PAX7: variants seen among roughly 807,000 people sequenced by gnomAD.
PAX7 encodes paired box protein Pax-7.
PAX7 carries 18 observed loss-of-function variants against 50.7 expected under a neutral mutation model. That is an observed-to-expected ratio of 0.36 (90% CI 0.25 to 0.53). The LOEUF is 0.53. Ranked by LOEUF, PAX7 falls within the 20% of genes least tolerant of loss-of-function variation. The probability of loss-of-function intolerance (pLI) is 0.93; values close to 1 mark genes in which losing one functional copy is unlikely to be tolerated. For synonymous variants in PAX7, 310 were observed against 290.4 expected (o/e 1.07, Z -0.69); for missense variants, 644 against 702.9 (o/e 0.92, Z 0.95).
rs150090514 is a variant in PAX7 at position 18,747,059 on chromosome 1, C to T, written c.*2130C>T. 8.7e-5 allele frequency: 20 copies of T among 229,976 alleles called. No homozygotes were observed. Among genetic ancestry groups the T allele is most frequent in the Non-Finnish European group, 1.6e-4 (18 of 115,956 alleles). The allele number at this position is 229,976 out of a possible 1,614,324, so 14.2% of individuals were successfully genotyped here. On this transcript the variant is annotated 3_prime_UTR_variant, in exon 9 of 9. Coordinates refer to ENST00000420770, the MANE Select transcript of PAX7 (RefSeq NM_001135254.2). Reference sequence around the variant, plus strand: ...GGTAACCCAGTCCCTGCTTTTGTAGCTATCACAGCAGAAAGCAACTCTTCC... The same window carrying T: ...GGTAACCCAGTCCCTGCTTTTGTAGTTATCACAGCAGAAAGCAACTCTTCC...
At chr1:18,692,823 G>A (rs1367606333) in intron 5 of PAX7, among the ~76,000 whole-genome samples, 14 of 152,158 alleles carry the variant, frequency 9.2e-5, no homozygotes, top group African/African-American at 3.4e-4. Flanking sequence ...CTCAATATAT[G>A]GGAAGGAAGA....
intron 7 of PAX7, among the ~76,000 whole-genome samples, chr1:18,733,630 A>G (rs918450615): frequency 6.6e-6 from 1 of 152,170 alleles, no homozygotes; most frequent in African/African-American, 2.4e-5. Context: ...CATGGGGGAA[A>G]GAACCAGGCA....
intron 4 of PAX7, among the ~76,000 whole-genome samples, chr1:18,667,489 T>C (rs1358899814): frequency 6.6e-6 from 1 of 151,664 alleles, no homozygotes; most frequent in Admixed American, 6.6e-5. Flanking sequence ...AGCAGCCCGG[T>C]AAAAGCGGAT....
intron 4 of PAX7, among the ~76,000 whole-genome samples, chr1:18,672,095 C>G (rs2088758613): frequency 6.6e-6 from 1 of 152,166 alleles, no homozygotes. Flanking sequence ...ATACAGGGCA[C>G]TCTGTGAGTG....
chr1:18,696,142 T>C (rs2089147365), intron 5 of PAX7, among the ~76,000 whole-genome samples: 1 of 150,158 alleles, frequency 6.7e-6, no homozygotes, highest in Non-Finnish European at 1.5e-5. Context: ...CTCAGCTCAC[T>C]GCAACCTCCG....
intron 4 of PAX7, among the ~76,000 whole-genome samples, chr1:18,672,666 C>T (rs1323730176): frequency 1.4e-5 from 2 of 144,384 alleles, no homozygotes; most frequent in Admixed American, 1.5e-4. Context: ...AGTGCAATGG[C>T]GAGATCTGGG....
chr1:18,669,287 G>A (rs1315920206), intron 4 of PAX7, among the ~76,000 whole-genome samples: 1 of 152,208 alleles, frequency 6.6e-6, no homozygotes, highest in East Asian at 1.9e-4. Flanking sequence ...GTTCCACATA[G>A]CAGGGGAGTA....
In PAX7 at chr1:18,688,107, T is replaced by G. The variant is rs142924242; in HGVS notation, c.587-3647T>G. 7.9e-5 allele frequency among the ~76,000 whole-genome samples: 12 copies of G among 152,330 alleles called. No homozygotes were observed. The East Asian group carries it at 1.9e-3, about 24-fold the overall frequency. ...CTGCAGTCATGATTTTGGTCACAAC[T>G]CTATATCTTGTCCTATTATTTCCTT... On this transcript the variant is annotated intron_variant, in intron 4 of 8. Coordinates refer to ENST00000420770, the MANE Select transcript of PAX7 (RefSeq NM_001135254.2).
rs2089697747 is a variant in PAX7 at position 18,735,442 on chromosome 1, C to T, written c.1156-190C>T. On this transcript the variant is annotated intron_variant, in intron 7 of 8. Coordinates refer to ENST00000420770, the MANE Select transcript of PAX7 (RefSeq NM_001135254.2). This position sits in a 1 kb window ranked among gnomAD's most constrained non-coding sequence, Gnocchi z 4.0. ...CAGGACCCTCCTTCAAGAGAAACAC[C>T]GAAGACCAGCAGCCATCCCATGCAT... Among the ~76,000 whole-genome samples, 1 of 152,130 alleles carries T rather than the reference C, an allele frequency of 6.6e-6. No homozygotes were observed. The highest frequency in any genetic ancestry group is 6.5e-5 in the Admixed American group (1 of 15,284).
intron 5 of PAX7, among the ~76,000 whole-genome samples, chr1:18,699,710 A>G (rs1476072292): frequency 5.9e-5 from 9 of 151,928 alleles, no homozygotes; most frequent in Non-Finnish European, 1.0e-4. Context: ...ACAGGCGCCC[A>G]CCACCATGCC....
At chr1:18,668,982 TGAG>T (rs1316585054) in intron 4 of PAX7, among the ~76,000 whole-genome samples, 1 of 152,208 alleles carries the variant, frequency 6.6e-6, no homozygotes, top group Admixed American at 6.5e-5. Context: ...TGGCTATAGA[TGAG>T]TTCTTCCCAG....
intron 1 of PAX7, among the ~76,000 whole-genome samples, chr1:18,633,526 G>A (rs1451531953): frequency 6.6e-6 from 1 of 152,204 alleles, no homozygotes; most frequent in African/African-American, 2.4e-5. Flanking sequence ...TCATGGATTT[G>A]TGAGGCCAAG....
intron 7 of PAX7, among the ~76,000 whole-genome samples, chr1:18,721,142 C>T (rs923468370): frequency 6.6e-6 from 1 of 152,120 alleles, no homozygotes; most frequent in African/African-American, 2.4e-5. Flanking sequence ...GTGTCTGTGG[C>T]GAGGACCTTT....
intron 4 of PAX7, among the ~76,000 whole-genome samples, chr1:18,644,637 A>G (rs1470397797): frequency 6.6e-6 from 1 of 151,978 alleles, no homozygotes; most frequent in Non-Finnish European, 1.5e-5. Flanking sequence ...GGAGCTTCTG[A>G]TTCCAGCATC....
intron 4 of PAX7, among the ~76,000 whole-genome samples, chr1:18,666,908 A>G (rs1235809119): frequency 6.6e-6 from 1 of 152,172 alleles, no homozygotes; most frequent in South Asian, 2.1e-4. Context: ...CTGGGGAAAA[A>G]TTCAGACTGC....
At chr1:18,716,217 G>A (rs537133880) in intron 7 of PAX7, among the ~76,000 whole-genome samples, 1 of 152,338 alleles carries the variant, frequency 6.6e-6, no homozygotes, top group African/African-American at 2.4e-5. Context: ...CCTGGGTCGG[G>A]TCCCCCAGGA....
chr1:18,683,147 C>T (rs935731384), intron 4 of PAX7, among the ~76,000 whole-genome samples: 1 of 152,142 alleles, frequency 6.6e-6, no homozygotes, highest in Admixed American at 6.5e-5. Context: ...TCCCCTGCAC[C>T]CCCAGAGTAG....
chr1:18,683,827 G>A (rs9439722), intron 4 of PAX7, among the ~76,000 whole-genome samples: 15,824 of 152,174 alleles, frequency 0.1, 1,536 homozygotes, highest in African/African-American at 0.25. Flanking sequence ...GCAACACAGG[G>A]AGACTGTCTC....
At chr1:18,719,658 T>C (rs2089469959) in intron 7 of PAX7, among the ~76,000 whole-genome samples, 1 of 152,204 alleles carries the variant, frequency 6.6e-6, no homozygotes, top group Non-Finnish European at 1.5e-5. Flanking sequence ...GGCAAGGGGC[T>C]CCCTTCCCTT....
Sources: gnomAD v4.1 joint callset for allele counts (sites outside exome capture counted in the v4.1 genomes callset) on GRCh38, gnomAD v4.1.1 for gene constraint, Gnocchi (gnomAD v3.1) non-coding constraint, MANE v1.5 for transcripts, NCBI Gene and HGNC (gene_info 2026-07-23, HGNC 2026-07-21) for gene names.